The following MMP26 variants were observed in gnomAD, a reference collection of about 807,000 sequenced individuals.
The protein encoded by MMP26 is matrix metallopeptidase 26, also known as matrix metalloproteinase-26.
In MMP26, 33 loss-of-function variants were observed where a neutral mutation model predicts 31.0. The ratio of observed to expected loss-of-function variants is 1.06; its 90% CI spans 0.81 to 1.42. MMP26 has a LOEUF of 1.42. MMP26 is among the 40% of genes most tolerant of loss of function. The pLI, the probability that MMP26 is intolerant of heterozygous loss-of-function variation, is 0.00. For missense variants in MMP26, 347 were observed against 316.1 expected, an observed-to-expected ratio of 1.10 and a Z score of -0.74; for synonymous variants, 122 against 114.9, an observed-to-expected ratio of 1.06 and a Z score of -0.40.
At chr11:4,822,059 G>A (rs769832394) in intron 2 of MMP26, 1 of 1,613,718 alleles carries the variant, frequency 6.2e-7, no homozygotes, top group Non-Finnish European at 8.5e-7. Flanking sequence ...GGGTTTGACT[G>A]CCCTTGCATC....
At chr11:4,772,296 G>T (rs1848736363) in intron 2 of MMP26, among the ~76,000 whole-genome samples, 2 of 152,136 alleles carry the variant, frequency 1.3e-5, no homozygotes, top group Non-Finnish European at 2.9e-5. Context: ...TCATAGCATT[G>T]GGGAATAGAG....
chr11:4,777,209 T>A (rs147964913), intron 2 of MMP26, among the ~76,000 whole-genome samples: 33 of 152,244 alleles, frequency 2.2e-4, no homozygotes, highest in African/African-American at 7.5e-4. Flanking sequence ...CTATGTGCCA[T>A]GAGATTTGGT....
chr11:4,749,454 G>A (rs550102709), intron 1 of MMP26, among the ~76,000 whole-genome samples: 1 of 151,758 alleles, frequency 6.6e-6, no homozygotes, highest in Non-Finnish European at 1.5e-5. Flanking sequence ...TATAAAAAAG[G>A]AGCCTGAATA....
chr11:4,715,440 T>C (rs1847916911), intron 1 of MMP26, among the ~76,000 whole-genome samples: 1 of 152,062 alleles, frequency 6.6e-6, no homozygotes, highest in East Asian at 1.9e-4. Flanking sequence ...AATAAATTCA[T>C]GTTTAATTTA....
intron 2 of MMP26, among the ~76,000 whole-genome samples, chr11:4,895,182 A>G (rs1850682352): frequency 6.6e-6 from 1 of 152,226 alleles, no homozygotes; most frequent in South Asian, 2.1e-4. Flanking sequence ...ATTAAAATTC[A>G]GCATCATCTA....
intron 2 of MMP26, among the ~76,000 whole-genome samples, chr11:4,931,040 T>G (rs1851339533): frequency 6.6e-6 from 1 of 151,958 alleles, no homozygotes; most frequent in African/African-American, 2.4e-5. Context: ...TAATTTCTAC[T>G]CATAGTAGAA....
chr11:4,980,726 G>T (rs1846801157), intron 2 of MMP26, among the ~76,000 whole-genome samples: 1 of 152,088 alleles, frequency 6.6e-6, no homozygotes, highest in Non-Finnish European at 1.5e-5. Flanking sequence ...AGATTACTTT[G>T]TGGTGACAAA....
intron 1 of MMP26, among the ~76,000 whole-genome samples, chr11:4,733,562 T>G (rs1848200980): frequency 6.6e-6 from 1 of 152,190 alleles, no homozygotes; most frequent in African/African-American, 2.4e-5. Context: ...AGTTTTAATA[T>G]TTAGTAGATT....
chr11:4,730,525 T>C (rs1245747503), intron 1 of MMP26, among the ~76,000 whole-genome samples: 1 of 152,070 alleles, frequency 6.6e-6, no homozygotes. Context: ...TAGCACAGCT[T>C]CCAATGCATG....
intron 2 of MMP26, among the ~76,000 whole-genome samples, chr11:4,956,068 C>A (rs35526874): frequency 0.011 from 1,673 of 152,242 alleles, 28 homozygotes; most frequent in African/African-American, 0.039. Context: ...AACTGGAATG[C>A]TATACTAATT....
intron 2 of MMP26, among the ~76,000 whole-genome samples, chr11:4,886,390 G>T (rs1850546107): frequency 6.6e-6 from 1 of 151,970 alleles, no homozygotes; most frequent in Non-Finnish European, 1.5e-5. Context: ...AGAAGAAGAG[G>T]AAGTAATAAA....
intron 2 of MMP26, among the ~76,000 whole-genome samples, chr11:4,838,736 G>A (rs549983172): frequency 2.9e-4 from 44 of 152,250 alleles, no homozygotes; most frequent in African/African-American, 1.0e-3. Context: ...GAGATTCAGA[G>A]GGCAGGGACA....
intron 1 of MMP26, among the ~76,000 whole-genome samples, chr11:4,706,096 G>A (rs1847773228): frequency 6.6e-6 from 1 of 152,112 alleles, no homozygotes; most frequent in Admixed American, 6.6e-5. Context: ...GATTCTATGA[G>A]CTATGTACAG....
Position 4,923,627 on chromosome 11 carries a change from C to T in MMP26, c.-144-64441C>T, listed in dbSNP as rs768878840. 5.0e-6 allele frequency: 8 copies of T among 1,613,724 alleles called. No individual in the cohort carries two copies. In the East Asian group the frequency reaches 6.7e-5, roughly 13 times the overall value. ...ATGAGAGACACAGGTGTTGAGGGCT[C>T]GGAGTCGCTCCTGGTGGGAGGCAAT... On this transcript the variant is annotated intron_variant, in intron 2 of 7. Transcript: ENST00000380390.
intron 2 of MMP26, chr11:4,973,277 A>T (rs1471734323): frequency 6.5e-6 from 1 of 153,708 alleles, no homozygotes; most frequent in African/African-American, 2.4e-5. Flanking sequence ...GAGAGCCACA[A>T]ATAAGCCATA....
At chr11:4,757,984 C>G (rs942436411) in intron 1 of MMP26, among the ~76,000 whole-genome samples, 3 of 152,016 alleles carry the variant, frequency 2.0e-5, no homozygotes, top group Non-Finnish European at 2.9e-5. Context: ...ACCATATGAT[C>G]CAGAAATTCT....
At chr11:4,707,649 C>T (rs1847797586) in intron 1 of MMP26, among the ~76,000 whole-genome samples, 2 of 152,176 alleles carry the variant, frequency 1.3e-5, no homozygotes. Flanking sequence ...ATTGAGAAAA[C>T]TGCTTGTTTT....
At position 4,819,566 on chromosome 11, in the gene MMP26, A is replaced by ATTTTTTTTTTTTTTTTTT. The variant is rs71050433; in HGVS notation, c.-145+52238_-145+52255dup. On this transcript the variant is annotated intron_variant, in intron 2 of 7. Transcript: ENST00000380390. ...GATGGTCACTGAAATGAGTCGACTGATTTTTTTTTTTTTTTTTTTTTTTTT... is the reference window on the plus strand; with the variant it reads ...GATGGTCACTGAAATGAGTCGACTGATTTTTTTTTTTTTTTTTTTTTTTTTTTTTTTTTTTTTTTTTTT... Among the ~76,000 whole-genome samples, 4 of 50,302 alleles carry ATTTTTTTTTTTTTTTTTT rather than the reference A, an allele frequency of 8.0e-5. 1 individual carries two copies. Among genetic ancestry groups the ATTTTTTTTTTTTTTTTTT allele is most frequent in the African/African-American group, 3.5e-4 (4 of 11,400 alleles). 33.0% of individuals were successfully genotyped at this position (50,302 alleles called of 152,430 possible).
chr11:4,934,961 C>T (rs1312625276), intron 2 of MMP26, among the ~76,000 whole-genome samples: 1 of 151,548 alleles, frequency 6.6e-6, no homozygotes, highest in South Asian at 2.1e-4. Flanking sequence ...CAGTACCATG[C>T]TGTTTTGGTT....
Sources: gnomAD v4.1 joint callset for allele counts (sites outside exome capture counted in the v4.1 genomes callset) on GRCh38, gnomAD v4.1.1 for gene constraint, MANE v1.5 for transcripts, NCBI Gene and HGNC (gene_info 2026-07-23, HGNC 2026-07-21) for gene names.